CASP6: variants seen among roughly 807,000 people sequenced by gnomAD.
CASP6 encodes caspase-6.
In CASP6, 20 loss-of-function variants were observed where a neutral mutation model predicts 31.8. The ratio of observed to expected loss-of-function variants is 0.63; its 90% confidence interval spans 0.44 to 0.91. The LOEUF (loss-of-function observed/expected upper bound fraction) is 0.91, where lower values mean the gene tolerates loss of function less well. Ranked by LOEUF, CASP6 falls within the 40% of genes least tolerant of loss-of-function variation. CASP6 has a pLI of 0.00. For missense variants in CASP6, 328 were observed against 361.1 expected (o/e 0.91, Z 0.74); for synonymous variants, 130 against 127.8 (o/e 1.02, Z -0.12).
chr4:109,704,862 T>C (rs921433259), upstream of CASP6, among the ~76,000 whole-genome samples: 1 of 152,112 alleles, frequency 6.6e-6, no homozygotes, highest in Non-Finnish European at 1.5e-5. Context: ...TGCCACCATG[T>C]CCAGGTTAAT....
chr4:109,673,035 A>G, the CASP6 span, among the ~76,000 whole-genome samples: 1 of 152,242 alleles, frequency 6.6e-6, no homozygotes, highest in Admixed American at 6.5e-5. Flanking sequence ...ATTAAAATGA[A>G]TCACTCATTT....
the CASP6 span, among the ~76,000 whole-genome samples, chr4:109,673,686 A>G: frequency 6.6e-6 from 1 of 152,368 alleles, no homozygotes; most frequent in African/African-American, 2.4e-5. Context: ...TTCCTAATAC[A>G]TTGCAAATGT....
rs1004935281 is a variant in CASP6 at position 109,699,274 on chromosome 4, A to G, written c.41-932T>C. 2.0e-5 allele frequency among the ~76,000 whole-genome samples: 3 copies of G among 152,310 alleles called. No homozygotes were observed. The South Asian group carries it at 6.2e-4, about 32-fold the overall frequency. On this transcript the variant is annotated intron_variant, in intron 1 of 6. Transcript: ENST00000265164. The stretch of plus-strand genomic sequence containing the variant: ...AGCAGTATAGCAAGATGCACCCTTC[A>G]GTTGAGGAAGAATGACCCTAAAGCA...
downstream of CASP6, chr4:109,687,380 C>T (rs13151303): frequency 0.67 from 397,249 of 591,848 alleles, 134,976 homozygotes; most frequent in African/African-American, 0.83. Context: ...ATATATATTT[C>T]AGCCATTTGC....
At chr4:109,695,919 A>T (rs897404321) in intron 4 of CASP6, among the ~76,000 whole-genome samples, 1 of 152,188 alleles carries the variant, frequency 6.6e-6, no homozygotes, top group Admixed American at 6.5e-5. Flanking sequence ...AGTTTAAAGT[A>T]ATTATGCAAA....
At chr4:109,665,005 TAG>T in the CASP6 span, among the ~76,000 whole-genome samples, 1 of 152,214 alleles carries the variant, frequency 6.6e-6, no homozygotes, top group Non-Finnish European at 1.5e-5. Context: ...GAGCAGAATG[TAG>T]AGAGAGTTCC....
At chr4:109,674,271 T>G in the CASP6 span, 1 of 643,242 alleles carries the variant, frequency 1.6e-6, no homozygotes, top group Non-Finnish European at 2.8e-6. Flanking sequence ...TCTTGCAGGC[T>G]TGATTTGCCT....
At chr4:109,681,833 C>T in the CASP6 span, among the ~76,000 whole-genome samples, 6 of 152,218 alleles carry the variant, frequency 3.9e-5, no homozygotes, top group Admixed American at 3.9e-4. Flanking sequence ...TGAGCGAAAG[C>T]TCAGCTCGAG....
the CASP6 span, chr4:109,682,748 G>A: frequency 2.8e-5 from 45 of 1,606,094 alleles, no homozygotes; most frequent in South Asian, 4.3e-4. Context: ...AACAGGTTAG[G>A]AAGCATCACG....
chr4:109,694,612 A>G lies in CASP6; in HGVS notation c.396T>C (p.Ala132=), dbSNP rs1466066770. The G allele has an allele frequency of 6.2e-7, 1 of 1,613,096 alleles. No homozygotes were observed. Among genetic ancestry groups the G allele is most frequent in the South Asian group, 1.1e-5 (1 of 90,702 alleles). The part of the protein sequence containing the change: ...GEGNHIYAYD[A]KIEIQTLTGL... ...CAGTTAATGTCTGAATTTCGATTTT[A>G]GCATCATATGCATAAATGTGATTGC... Residue 132 remains alanine, a synonymous_variant, in exon 5 of 7, where the codon GCT becomes GCC. Transcript: ENST00000265164.
chr4:109,665,722 C>G, the CASP6 span, among the ~76,000 whole-genome samples: 1 of 151,928 alleles, frequency 6.6e-6, no homozygotes, highest in Non-Finnish European at 1.5e-5. Context: ...TATTTTCAAT[C>G]CATGGTTGGT....
At chr4:109,704,340 A>G (rs1730533396), upstream of CASP6, among the ~76,000 whole-genome samples, 1 of 152,250 alleles carries the variant, frequency 6.6e-6, no homozygotes, top group Non-Finnish European at 1.5e-5. Flanking sequence ...TGCAAAGGAA[A>G]AAATTTTGAA....
chr4:109,696,005 G>A (rs1470668349), intron 4 of CASP6, among the ~76,000 whole-genome samples: 1 of 152,162 alleles, frequency 6.6e-6, no homozygotes, highest in Non-Finnish European at 1.5e-5. Flanking sequence ...TTGACGCTGT[G>A]AGAATTAAAG....
upstream of CASP6, among the ~76,000 whole-genome samples, chr4:109,707,724 A>C (rs775833981): frequency 6.6e-6 from 1 of 152,102 alleles, no homozygotes; most frequent in Non-Finnish European, 1.5e-5. Flanking sequence ...GGTAGAGCTA[A>C]TTCAGGGACA....
the CASP6 span, chr4:109,674,227 A>G: frequency 1.4e-6 from 1 of 735,922 alleles, no homozygotes. Context: ...ATGGGTTTAG[A>G]TGGTAACATG....
chr4:109,677,415 T>G, the CASP6 span, among the ~76,000 whole-genome samples: 1 of 152,156 alleles, frequency 6.6e-6, no homozygotes, highest in African/African-American at 2.4e-5. Context: ...TTGGGGCTCT[T>G]GGGATGGAGT....
intron 3 of CASP6, among the ~76,000 whole-genome samples, chr4:109,696,898 G>T (rs1730261395): frequency 6.7e-6 from 1 of 149,272 alleles, no homozygotes; most frequent in Non-Finnish European, 1.5e-5. Flanking sequence ...CCATTCTCCT[G>T]CCTCAGCCTC....
chr4:109,708,217 A>G (rs543414634), upstream of CASP6, among the ~76,000 whole-genome samples: 2 of 152,334 alleles, frequency 1.3e-5, no homozygotes, highest in Admixed American at 1.3e-4. Context: ...CAAACCATTT[A>G]CTGTTCATTG....
At chr4:109,684,948 C>T (rs1024634426), downstream of CASP6, 58 of 388,954 alleles carry the variant, frequency 1.5e-4, no homozygotes, top group Non-Finnish European at 2.4e-4. Flanking sequence ...CATTCAGTAA[C>T]ATCAGCTTTG....
Sources: allele counts gnomAD v4.1 joint callset (sites outside exome capture counted in the v4.1 genomes callset), GRCh38; gene constraint gnomAD v4.1.1; transcripts MANE v1.5; gene names NCBI Gene and HGNC (gene_info 2026-07-23, HGNC 2026-07-21).